Variants in ZNF699 observed in about 807,000 individuals in gnomAD.
The protein encoded by ZNF699 is zinc finger protein 699.
Under a neutral mutation model 22.5 loss-of-function variants are expected in ZNF699, and 18 were observed. The observed-to-expected ratio is 0.80, with a 90% CI of 0.55 to 1.19. ZNF699 has a LOEUF of 1.19. Among genes scored for constraint, ZNF699 ranks in the 50% most tolerant of loss-of-function variants. The pLI is 0.00. For synonymous variants in ZNF699, 241 were observed against 262.3 expected (o/e 0.92, Z 0.78); for missense variants, 670 against 763.4 (o/e 0.88, Z 1.44).
In ZNF699 at chr19:9,297,570, C is replaced by A; in HGVS notation, c.287-91G>T. On this transcript the variant is annotated intron_variant, in intron 4 of 5. Coordinates refer to ENST00000591998, the MANE Select transcript of ZNF699 (RefSeq NM_198535.3). The surrounding 1 kb of genome is among the most constrained non-coding windows in gnomAD (Gnocchi z 4.3). Reference sequence around the variant, plus strand: ...CTTTGGTATTAATAGGCACAAGGGTCAAAATGGTAAGCAATTAACTAAGAA... The same window carrying A: ...CTTTGGTATTAATAGGCACAAGGGTAAAAATGGTAAGCAATTAACTAAGAA... The A allele has an allele frequency of 1.0e-6, 1 of 977,164 alleles. No individual in the cohort carries two copies. The highest frequency in any genetic ancestry group is 2.7e-5 in the Admixed American group (1 of 36,688). The allele number at this position is 977,164 out of a possible 1,614,324, so 60.5% of individuals were successfully genotyped here. A position where few individuals can be genotyped will look rare whatever the true frequency, so the allele number is the denominator to read the frequency against.
Position 9,296,025 on chromosome 19 carries a change from G to A in ZNF699, c.1379C>T (p.Ser460Leu), listed in dbSNP as rs374781593. The A allele has an allele frequency of 9.7e-5, 156 of 1,613,922 alleles. 1 individual carries two copies. The Middle Eastern group carries it at 8.4e-3, about 87-fold the overall frequency. The change falls in exon 6 of 6, where the codon TCG (serine) becomes TTG (leucine). Residue 460 changes from serine to leucine, a missense_variant. Ser to Leu is a moderately radical substitution (Grantham distance 145). Coordinates refer to ENST00000591998, the MANE Select transcript of ZNF699 (RefSeq NM_198535.3). ...KECGKAFSCP[S>L]SFRAHVRDHT... ...ATCTCTCACATGTGCTCTAAAGGAC[G>A]AGGGACAACTAAAGGCCTTCCCACA...
intron 2 of ZNF699, among the ~76,000 whole-genome samples, chr19:9,303,220 C>A (rs10745023): frequency 0.39 from 59,605 of 151,862 alleles, 13,183 homozygotes; most frequent in Non-Finnish European, 0.49. Context: ...CTACAACTTG[C>A]TTCTGATACT....
chr19:9,305,133 A>G lies in ZNF699; in HGVS notation c.-5-9T>C, dbSNP rs1428564185. 3.1e-6 allele frequency: 5 copies of G among 1,612,698 alleles called. No homozygotes were observed. In the Admixed American group the frequency reaches 8.3e-5, roughly 27 times the overall value. On this transcript the variant is annotated splice_polypyrimidine_tract_variant and intron_variant, in intron 1 of 5. Coordinates refer to ENST00000591998, the MANE Select transcript of ZNF699 (RefSeq NM_198535.3). ...TTCTTCCTCCATGTCGCCTTCATGAAGAAAAGCAGGATATTGAGAAGTTAG... is the reference window on the plus strand; with the variant it reads ...TTCTTCCTCCATGTCGCCTTCATGAGGAAAAGCAGGATATTGAGAAGTTAG...
Position 9,295,528 on chromosome 19 carries a change from A to T in ZNF699, c.1876T>A (p.Cys626Ser), listed in dbSNP as rs952100559. ...ECKECGKAFV[C>S]PAYFRRHVKT... ...ACATGCCTTCGAAAGTAGGCAGGAC[A>T]AACAAAGGCTTTCCCACATTCCTTA... is the stretch of plus-strand genomic sequence containing the variant. Residue 626 changes from cysteine to serine, a missense_variant, in exon 6 of 6, where the codon TGT becomes AGT. By Grantham distance (112) the Cys-to-Ser change is moderately radical. Coordinates refer to ENST00000591998, the MANE Select transcript of ZNF699 (RefSeq NM_198535.3). The T allele has an allele frequency of 1.2e-6, 2 of 1,613,520 alleles. No individual in the cohort carries two copies. The highest frequency in any genetic ancestry group is 2.7e-5 in the African/African-American group (2 of 74,928).
intron 2 of ZNF699, 146 bp from the exon 3 acceptor site, chr19:9,302,650 A>G: frequency 1.4e-6 from 1 of 723,084 alleles, no homozygotes; most frequent in Non-Finnish European, 2.2e-6. Context: ...GGCTCAGTCA[A>G]CAAATCTCTC....
chr19:9,291,618 G>A lies in ZNF699; in HGVS notation c.*3857C>T, dbSNP rs995352118. 41 of 151,268 alleles carry A rather than the reference G, an allele frequency of 2.7e-4. No individual in the cohort carries two copies. The highest frequency in any genetic ancestry group is 2.3e-3 in the Admixed American group (35 of 15,178). The allele number at this position is 151,268 out of a possible 1,614,324, so 9.4% of individuals were successfully genotyped here. A position where few individuals can be genotyped will look rare whatever the true frequency, so the allele number is the denominator to read the frequency against. On this transcript the variant is annotated 3_prime_UTR_variant, in exon 6 of 6. Transcript: ENST00000591998. ...ATCTAGAAGGAAACATAGGAGAGTA[G>A]ATTCATTATCTTGGTCCAGGCAAAT...
intron 2 of ZNF699, 110 bp from the exon 3 acceptor site, chr19:9,302,614 T>A: frequency 8.2e-7 from 1 of 1,214,600 alleles, no homozygotes; most frequent in East Asian, 2.5e-5. Flanking sequence ...CATAGGAAGT[T>A]CAGAAGATCC....
Position 9,295,024 on chromosome 19 carries a change from T to C in ZNF699, c.*451A>G. On this transcript the variant is annotated 3_prime_UTR_variant, in exon 6 of 6. Coordinates refer to ENST00000591998, the MANE Select transcript of ZNF699 (RefSeq NM_198535.3). ...AATGAACATTAATTAGAAACCACTT[T>C]TTTAAAAAAGACCACTGCTGCCTAT... 1 of 157,820 alleles carries C rather than the reference T, an allele frequency of 6.3e-6. No individual in the cohort carries two copies. Among genetic ancestry groups the C allele is most frequent in the African/African-American group, 2.4e-5 (1 of 41,768 alleles). 9.8% of individuals were successfully genotyped at this position (157,820 alleles called of 1,614,324 possible). A position where few individuals can be genotyped will look rare whatever the true frequency, so the allele number is the denominator to read the frequency against.
In ZNF699 at chr19:9,297,843, TC is replaced by T. The variant is rs1306802751; in HGVS notation, c.286+36del. On this transcript the variant is annotated intron_variant, in intron 4 of 5. Transcript: ENST00000591998. The surrounding 1 kb of genome is among the most constrained non-coding windows in gnomAD (Gnocchi z 4.3). ...TGTTTTTTACTTTAAGTTTATTTTT[TC>T]CCCCAACCAAAACAGTTTCTCCCAA... 30 of 1,509,568 alleles carry T rather than the reference TC, an allele frequency of 2.0e-5. No individual in the cohort carries two copies. In the African/African-American group the frequency reaches 3.9e-4, roughly 20 times the overall value. 93.5% of individuals were successfully genotyped at this position (1,509,568 alleles called of 1,614,324 possible).
At chr19:9,306,115 C>T (rs1434913950) in intron 1 of ZNF699, among the ~76,000 whole-genome samples, 1 of 151,816 alleles carries the variant, frequency 6.6e-6, no homozygotes, top group Non-Finnish European at 1.5e-5. Context: ...AATACTTGGC[C>T]AAGCATGGTG....
At chr19:9,299,495 T>A (rs2066299474) in intron 3 of ZNF699, among the ~76,000 whole-genome samples, 1 of 152,034 alleles carries the variant, frequency 6.6e-6, no homozygotes, top group African/African-American at 2.4e-5. Flanking sequence ...GCTGTAGTAG[T>A]GGTGTGATCA....
At position 9,296,496 on chromosome 19, in the gene ZNF699, C is replaced by G; in HGVS notation, c.908G>C (p.Gly303Ala). ...SLTEHKRIHS[G>A]DKPYECKECG... Reference sequence around the variant, plus strand: ...TTCCTTACATTCATAAGGCTTATCTCCACTGTGAATTCTTTTGTGTTCTGT... The same window carrying G: ...TTCCTTACATTCATAAGGCTTATCTGCACTGTGAATTCTTTTGTGTTCTGT... Residue 303 changes from glycine (G) to alanine (A), a missense_variant, in exon 6 of 6, where the codon GGA becomes GCA. By Grantham distance (60) the Gly-to-Ala change is moderately conservative. Transcript: ENST00000591998. 1 of 1,614,158 alleles carries G rather than the reference C, an allele frequency of 6.2e-7. No homozygotes were observed. Among genetic ancestry groups the G allele is most frequent in the Non-Finnish European group, 8.5e-7 (1 of 1,180,016 alleles).
intron 2 of ZNF699, 97 bp from the exon 3 acceptor site, chr19:9,302,601 A>G (rs755910416): frequency 5.2e-6 from 7 of 1,345,042 alleles, no homozygotes; most frequent in Non-Finnish European, 7.1e-6. Context: ...ATGAGAGTCA[A>G]TTCATAGGAA....
rs568254419 is a variant in ZNF699 at position 9,300,142 on chromosome 19, G to A, written c.176-2152C>T. Among the ~76,000 whole-genome samples, 9 of 152,280 alleles carry A rather than the reference G, an allele frequency of 5.9e-5. 1 individual carries two copies. The highest frequency in any genetic ancestry group is 1.7e-4 in the African/African-American group (7 of 41,562). ...GTCGCCCAGGCTGGAGTGCAGTGGT[G>A]TGATCTCAGCTCACTGCAAGCTCTG... On this transcript the variant is annotated intron_variant, in intron 3 of 5. Transcript: ENST00000591998.
chr19:9,306,639 C>T (rs2144985042), intron 1 of ZNF699, among the ~76,000 whole-genome samples: 1 of 152,320 alleles, frequency 6.6e-6, no homozygotes, highest in East Asian at 1.9e-4. Context: ...CTCACAGAAG[C>T]TCTGCAAATC....
intron 3 of ZNF699, among the ~76,000 whole-genome samples, chr19:9,302,082 A>G (rs2066309607): frequency 6.6e-6 from 1 of 151,922 alleles, no homozygotes; most frequent in Non-Finnish European, 1.5e-5. Context: ...TTGTGTTTTT[A>G]GTAGAGACGG....
chr19:9,306,012 C>T (rs1262384924), intron 1 of ZNF699, among the ~76,000 whole-genome samples: 1 of 151,546 alleles, frequency 6.6e-6, no homozygotes, highest in Non-Finnish European at 1.5e-5. Flanking sequence ...AAGCATCAGC[C>T]TATTGAATTC....
Position 9,309,487 on chromosome 19 carries a change from T to A in ZNF699, c.-143A>T, listed in dbSNP as rs996761477. The A allele has an allele frequency of 1.3e-5, 2 of 152,320 alleles. No individual in the cohort carries two copies. Among genetic ancestry groups the A allele is most frequent in the Non-Finnish European group, 2.9e-5 (2 of 68,114 alleles). 9.4% of individuals were successfully genotyped at this position (152,320 alleles called of 1,614,324 possible). ...TTTCGGAGGCTGATGAACTACGACA[T>A]TGGTTCTCCAACTCTCGCCTGCATC... On this transcript the variant is annotated 5_prime_UTR_variant, in exon 1 of 6. It removes an upstream start codon present in the reference 5' UTR. Coordinates refer to ENST00000591998, the MANE Select transcript of ZNF699 (RefSeq NM_198535.3).
chr19:9,298,239 G>A (rs1205996488), intron 3 of ZNF699, among the ~76,000 whole-genome samples: 4 of 151,292 alleles, frequency 2.6e-5, no homozygotes, highest in Non-Finnish European at 5.9e-5. Context: ...CGAGGTCAGG[G>A]GTTCGAGACT....
Sources: gnomAD v4.1 joint callset for allele counts (sites outside exome capture counted in the v4.1 genomes callset) on GRCh38, gnomAD v4.1.1 for gene constraint, Gnocchi (gnomAD v3.1) non-coding constraint, MANE v1.5 for transcripts, NCBI Gene and HGNC (gene_info 2026-07-23, HGNC 2026-07-21) for gene names.